The following OSBP2 variants were observed in gnomAD, a reference collection of about 807,000 sequenced individuals.
The protein encoded by OSBP2 is oxysterol binding protein 2, also known as oxysterol-binding protein 2.
A neutral mutation model predicts 96.0 loss-of-function variants in OSBP2; 66 were observed. The observed-to-expected ratio is 0.69, with a 90% CI of 0.56 to 0.84. The LOEUF (loss-of-function observed/expected upper bound fraction) is 0.84, where lower values mean the gene tolerates loss of function less well. Among genes scored for constraint, OSBP2 ranks in the 40% least tolerant of loss-of-function variants. The pLI, the probability that OSBP2 is intolerant of heterozygous loss-of-function variation, is 0.00. For synonymous variants in OSBP2, 525 were observed against 520.9 expected (o/e 1.01, Z -0.11); for missense variants, 1,038 against 1,222.7 (o/e 0.85, Z 2.25).
chr22:30,737,307 C>T (rs985802925), intron 1 of OSBP2, among the ~76,000 whole-genome samples: 19 of 146,952 alleles, frequency 1.3e-4, no homozygotes, highest in South Asian at 4.4e-4. Flanking sequence ...TGAGCCACTG[C>T]GCCCGGCCTT....
Position 30,881,806 on chromosome 22 carries a change from G to A in OSBP2, c.1108-5620G>A. On this transcript the variant is annotated intron_variant, in intron 3 of 13. Transcript: ENST00000332585. This position sits in a 1 kb window ranked among gnomAD's most constrained non-coding sequence, Gnocchi z 4.5. Reference sequence around the variant, plus strand: ...GGGAGTCAGGGATGGACACCAGGTGGGTGCATCCGGGCTGGGGGAGGTGGA... The same window carrying A: ...GGGAGTCAGGGATGGACACCAGGTGAGTGCATCCGGGCTGGGGGAGGTGGA... 7.7e-7 allele frequency: 1 copy of A among 1,304,054 alleles called. No individual in the cohort carries two copies. Among genetic ancestry groups the A allele is most frequent in the Non-Finnish European group, 1.0e-6 (1 of 988,884 alleles). 80.8% of individuals were successfully genotyped at this position (1,304,054 alleles called of 1,614,324 possible).
chr22:30,876,615 G>A (rs562554485), intron 3 of OSBP2, among the ~76,000 whole-genome samples: 2 of 152,330 alleles, frequency 1.3e-5, no homozygotes, highest in Non-Finnish European at 1.5e-5. Context: ...TCCTGCCCTG[G>A]TGGCAGTTCC....
At chr22:30,694,820 C>A, upstream of OSBP2, 1 of 574,888 alleles carries the variant, frequency 1.7e-6, no homozygotes, top group Non-Finnish European at 2.2e-6. Flanking sequence ...CCGCCTCGCG[C>A]CGCGCGCACG....
chr22:30,741,331 C>T lies in OSBP2; in HGVS notation c.815C>T (p.Ala272Val). ...CAGTGGATCACCGCCCTGGAGCTGG[C>T]CAAGGCCAAGGCTGTCCGCGTGATG... ...RQQWITALEL[A>V]KAKAVRVMNT... is the part of the protein sequence containing the mutation. Residue 272 changes from alanine (A) to valine (V), a missense_variant, in exon 2 of 14, where the codon GCC (alanine) becomes GTC (valine). Around this residue, in one of 3 missense-constraint regions of OSBP2, gnomAD observed 737 missense variants for 913.3 expected, o/e 0.81. Coordinates refer to ENST00000332585, the MANE Select transcript of OSBP2 (RefSeq NM_030758.4). 1 of 1,612,622 alleles carries T rather than the reference C, an allele frequency of 6.2e-7. No homozygotes were observed. Among genetic ancestry groups the T allele is most frequent in the African/African-American group, 1.3e-5 (1 of 75,032 alleles).
intron 3 of OSBP2, among the ~76,000 whole-genome samples, chr22:30,885,885 A>G (rs908722530): frequency 6.6e-5 from 10 of 152,210 alleles, no homozygotes; most frequent in African/African-American, 2.4e-4. Context: ...TGGGAGGCCA[A>G]CCAAGGTGGG....
At position 30,890,473 on chromosome 22, in the gene OSBP2, G is replaced by A. The variant is rs1199082003; in HGVS notation, c.1624-255G>A. 6.6e-6 allele frequency among the ~76,000 whole-genome samples: 1 copy of A among 152,224 alleles called. No individual in the cohort carries two copies. The highest frequency in any genetic ancestry group is 1.5e-5 in the Non-Finnish European group (1 of 68,042). ...TTGGTGGGTGTCCATCCGAGCAGAGGAGAGCAACAGTGAACATGATAAAAG... is the reference window on the plus strand; with the variant it reads ...TTGGTGGGTGTCCATCCGAGCAGAGAAGAGCAACAGTGAACATGATAAAAG... On this transcript the variant is annotated intron_variant, in intron 7 of 13. Transcript: ENST00000332585. This position sits in a 1 kb window ranked among gnomAD's most constrained non-coding sequence, Gnocchi z 4.4.
intron 2 of OSBP2, among the ~76,000 whole-genome samples, chr22:30,813,171 CTTTTTTT>C (rs911860511): frequency 1.3e-5 from 1 of 78,588 alleles, no homozygotes; most frequent in African/African-American, 5.1e-5. Flanking sequence ...ATGTTGCATT[CTTTTTTT>C]TTTTTTTTTT....
chr22:30,771,584 G>A (rs2090347594), intron 2 of OSBP2, among the ~76,000 whole-genome samples: 1 of 152,172 alleles, frequency 6.6e-6, no homozygotes, highest in South Asian at 2.1e-4. Flanking sequence ...TTCTCTGTAG[G>A]GGCCACCTGC....
chr22:30,901,740 C>T (rs893282102), intron 12 of OSBP2, among the ~76,000 whole-genome samples: 2 of 152,132 alleles, frequency 1.3e-5, no homozygotes, highest in African/African-American at 2.4e-5. Flanking sequence ...TGGCACACAC[C>T]TGTAATCCCA....
chr22:30,882,824 T>TA (rs1193058838), intron 3 of OSBP2, among the ~76,000 whole-genome samples: 1 of 152,216 alleles, frequency 6.6e-6, no homozygotes, highest in East Asian at 1.9e-4. Context: ...TCTAAAGTAT[T>TA]AGAGTCCCTG....
intron 2 of OSBP2, among the ~76,000 whole-genome samples, chr22:30,831,969 A>T (rs1364277147): frequency 6.6e-6 from 1 of 151,968 alleles, no homozygotes; most frequent in Non-Finnish European, 1.5e-5. Context: ...CTTTGACCTC[A>T]CCCTGACCCC....
At chr22:30,856,207 C>A (rs1296283968) in intron 2 of OSBP2, among the ~76,000 whole-genome samples, 1 of 152,008 alleles carries the variant, frequency 6.6e-6, no homozygotes, top group African/African-American at 2.4e-5. Flanking sequence ...ACCCCTATAC[C>A]CCTTCACCCC....
chr22:30,701,344 C>CTTTT (rs1228654999), intron 1 of OSBP2, among the ~76,000 whole-genome samples: 2 of 127,988 alleles, frequency 1.6e-5, no homozygotes, highest in Non-Finnish European at 3.3e-5. Context: ...TTTTTCTTTT[C>CTTTT]TTTTTTTTTT....
chr22:30,874,742 C>T (rs75638808), intron 3 of OSBP2, among the ~76,000 whole-genome samples: 1 of 152,236 alleles, frequency 6.6e-6, no homozygotes, highest in African/African-American at 2.4e-5. Flanking sequence ...TTCAACCCCC[C>T]ACGCCTTTAC....
Position 30,893,239 on chromosome 22 carries a change from C to A in OSBP2, c.1987C>A (p.Leu663Ile). 1 of 1,614,066 alleles carries A rather than the reference C, an allele frequency of 6.2e-7. No individual in the cohort carries two copies. Among genetic ancestry groups the A allele is most frequent in the African/African-American group, 1.3e-5 (1 of 75,040 alleles). ...GGGAAAATACATCTCCATCATGCCG[C>A]TAGGTGAGCTGGGGCCCGGTGCCTT... ...FRGKYISIMP[L>I]GAIHLEFQAS... Residue 663 changes from leucine to isoleucine, a missense_variant, in exon 9 of 14, where the codon CTA (leucine) becomes ATA (isoleucine). By Grantham distance (5) the Leu-to-Ile change is conservative. Transcript: ENST00000332585.
chr22:30,847,856 A>G (rs2038901386), intron 2 of OSBP2, among the ~76,000 whole-genome samples: 1 of 152,022 alleles, frequency 6.6e-6, no homozygotes, highest in African/African-American at 2.4e-5. Context: ...AGTCATTTGT[A>G]TCATTCTTTT....
chr22:30,849,942 G>A (rs1234174220), intron 2 of OSBP2, among the ~76,000 whole-genome samples: 1 of 152,082 alleles, frequency 6.6e-6, no homozygotes, highest in African/African-American at 2.4e-5. Flanking sequence ...ATATTTAGTT[G>A]TTCAAGTACT....
chr22:30,778,323 A>G (rs917701213), intron 2 of OSBP2, among the ~76,000 whole-genome samples: 2 of 151,582 alleles, frequency 1.3e-5, no homozygotes, highest in Admixed American at 6.6e-5. Flanking sequence ...ACACACACAC[A>G]CACACACACA....
rs34874706 is a variant in OSBP2, at chr22:30,722,787, CTT to C, written c.645-18358_645-18357del. On this transcript the variant is annotated intron_variant, in intron 1 of 13. Coordinates refer to ENST00000332585, the MANE Select transcript of OSBP2 (RefSeq NM_030758.4). ...TCTTTCTTTCTTTCTCTCTCTCTGT[CTT>C]TTTTTTTTTTTTTTTGACAGAGTCT... 3.8e-3 allele frequency among the ~76,000 whole-genome samples: 365 copies of C among 95,820 alleles called. 2 individuals carry two copies. The highest frequency in any genetic ancestry group is 0.011 in the African/African-American group (258 of 24,418). The allele number at this position is 95,820 out of a possible 152,430, so 62.9% of individuals were successfully genotyped here. A position where few individuals can be genotyped will look rare whatever the true frequency, so the allele number is the denominator to read the frequency against.
Sources: allele counts gnomAD v4.1 joint callset (sites outside exome capture counted in the v4.1 genomes callset), GRCh38; gene constraint gnomAD v4.1.1; regional missense constraint gnomAD v4.1.1; non-coding constraint Gnocchi (gnomAD v3.1); transcripts MANE v1.5; gene names NCBI Gene and HGNC (gene_info 2026-07-23, HGNC 2026-07-21).